SLC35F1: variants seen among roughly 807,000 people sequenced by gnomAD.
The protein encoded by SLC35F1 is chromosome 6 open reading frame 169.
In SLC35F1, 14 loss-of-function variants were observed where a neutral mutation model predicts 48.7. The observed-to-expected ratio is 0.29, with a 90% CI of 0.19 to 0.45. SLC35F1 has a LOEUF of 0.45. Ranked by LOEUF, SLC35F1 falls within the 20% of genes least tolerant of loss-of-function variation. The pLI, the probability that SLC35F1 is intolerant of heterozygous loss-of-function variation, is 1.00. For missense variants in SLC35F1, 404 were observed against 500.0 expected (o/e 0.81, Z 1.83); for synonymous variants, 190 against 202.2 (o/e 0.94, Z 0.51).
chr6:118,054,609 G>A (rs921718453), intron 1 of SLC35F1, among the ~76,000 whole-genome samples: 1 of 152,086 alleles, frequency 6.6e-6, no homozygotes, highest in African/African-American at 2.4e-5. Flanking sequence ...ATTTCCCCAC[G>A]TGTCTATGGT....
At chr6:118,038,938 T>C (rs1418628160) in intron 1 of SLC35F1, among the ~76,000 whole-genome samples, 2 of 152,224 alleles carry the variant, frequency 1.3e-5, no homozygotes, top group Non-Finnish European at 2.9e-5. Context: ...ATTTTCTTCA[T>C]TTTATTTTTT....
At chr6:118,029,785 A>AT (rs948561165) in intron 1 of SLC35F1, among the ~76,000 whole-genome samples, 15 of 151,960 alleles carry the variant, frequency 9.9e-5, no homozygotes, top group Non-Finnish European at 8.8e-5. Flanking sequence ...AAAAGTATGA[A>AT]TTTTTTTTTC....
At chr6:118,116,526 A>G (rs763733792) in intron 1 of SLC35F1, among the ~76,000 whole-genome samples, 6 of 152,296 alleles carry the variant, frequency 3.9e-5, no homozygotes, top group Admixed American at 3.3e-4. Flanking sequence ...ATTGAATGCA[A>G]TGTCTAGGAG....
intron 1 of SLC35F1, among the ~76,000 whole-genome samples, chr6:117,931,546 A>G (rs1776102076): frequency 6.6e-6 from 1 of 152,210 alleles, no homozygotes; most frequent in East Asian, 1.9e-4. Context: ...ACTTCCTGGC[A>G]CAACATTTGA....
chr6:117,999,568 G>GAA (rs35917912), intron 1 of SLC35F1: 176,534 of 421,454 alleles, frequency 0.42, 23,994 homozygotes, highest in African/African-American at 0.5. Context: ...CCTGAGGCAG[G>GAA]AAAAAAAAAA....
chr6:118,309,712 A>G (rs1330976942), intron 7 of SLC35F1, among the ~76,000 whole-genome samples: 1 of 152,230 alleles, frequency 6.6e-6, no homozygotes, highest in Non-Finnish European at 1.5e-5. Flanking sequence ...TTAAAATTCA[A>G]CTTAGAAGTT....
intron 2 of SLC35F1, among the ~76,000 whole-genome samples, chr6:118,193,999 T>A (rs1040974831): frequency 6.6e-6 from 1 of 152,246 alleles, no homozygotes; most frequent in African/African-American, 2.4e-5. Context: ...TTTATTTTTC[T>A]TTCAAAATAT....
intron 2 of SLC35F1, among the ~76,000 whole-genome samples, chr6:118,192,577 G>A (rs1414852660): frequency 6.6e-6 from 1 of 152,014 alleles, no homozygotes; most frequent in Non-Finnish European, 1.5e-5. Context: ...CAATTAACAA[G>A]GAAATTTGGT....
intron 1 of SLC35F1, among the ~76,000 whole-genome samples, chr6:117,910,430 T>A (rs995789275): frequency 3.3e-5 from 5 of 152,236 alleles, no homozygotes; most frequent in African/African-American, 9.6e-5. Context: ...TTTGCTTTCT[T>A]CTTTTCCTCT....
At chr6:118,256,253 TG>T (rs1775644755) in intron 3 of SLC35F1, among the ~76,000 whole-genome samples, 3 of 132,750 alleles carry the variant, frequency 2.3e-5, no homozygotes, top group African/African-American at 8.3e-5. Flanking sequence ...TGTGTGTGTG[TG>T]ACTGAAGTTT....
At chr6:118,202,804 G>A (rs1284643579) in intron 2 of SLC35F1, among the ~76,000 whole-genome samples, 2 of 152,238 alleles carry the variant, frequency 1.3e-5, no homozygotes, top group African/African-American at 4.8e-5. Flanking sequence ...CTGGGCAAAT[G>A]TGGGATGCTC....
chr6:118,054,057 G>T (rs1164578932), intron 1 of SLC35F1, among the ~76,000 whole-genome samples: 1 of 152,144 alleles, frequency 6.6e-6, no homozygotes, highest in East Asian at 1.9e-4. Flanking sequence ...TTGATAATTG[G>T]TAAGGCTGAA....
intron 3 of SLC35F1, among the ~76,000 whole-genome samples, chr6:118,266,340 T>C (rs1775773206): frequency 6.6e-6 from 1 of 152,182 alleles, no homozygotes; most frequent in African/African-American, 2.4e-5. Context: ...CAAATTTTTT[T>C]GCTATACTCT....
At chr6:118,124,955 T>A (rs945413072) in intron 1 of SLC35F1, among the ~76,000 whole-genome samples, 1 of 152,176 alleles carries the variant, frequency 6.6e-6, no homozygotes, top group Non-Finnish European at 1.5e-5. Flanking sequence ...TAAATTATAA[T>A]GATGCAAAAC....
intron 1 of SLC35F1, among the ~76,000 whole-genome samples, chr6:118,133,175 G>T (rs1463868567): frequency 2.0e-5 from 3 of 152,146 alleles, no homozygotes; most frequent in Non-Finnish European, 4.4e-5. Context: ...AGTAATCTGT[G>T]ATCTGCCCCT....
At chr6:118,145,900 C>T (rs907646887) in intron 1 of SLC35F1, among the ~76,000 whole-genome samples, 4 of 152,100 alleles carry the variant, frequency 2.6e-5, no homozygotes, top group African/African-American at 9.7e-5. Flanking sequence ...TTGGGAAAAC[C>T]CTTTTTCCTG....
intron 1 of SLC35F1, among the ~76,000 whole-genome samples, chr6:117,964,128 T>C (rs985569493): frequency 6.6e-6 from 1 of 152,236 alleles, no homozygotes; most frequent in Non-Finnish European, 1.5e-5. Flanking sequence ...TCCAGCTCCA[T>C]CCACGTCCCT....
intron 6 of SLC35F1, among the ~76,000 whole-genome samples, chr6:118,281,202 C>A (rs35376508): frequency 0.28 from 35,824 of 126,078 alleles, 4,698 homozygotes; most frequent in Admixed American, 0.35. Flanking sequence ...CTCTCTCTCT[C>A]TCTATATATA....
chr6:118,218,798 A>C (rs544502549), intron 2 of SLC35F1, among the ~76,000 whole-genome samples: 1 of 152,198 alleles, frequency 6.6e-6, no homozygotes, highest in Non-Finnish European at 1.5e-5. Flanking sequence ...CTGGAAATGT[A>C]TTGGTAAACT....
Sources: allele counts gnomAD v4.1 joint callset (sites outside exome capture counted in the v4.1 genomes callset), GRCh38; gene constraint gnomAD v4.1.1; transcripts MANE v1.5; gene names NCBI Gene and HGNC (gene_info 2026-07-23, HGNC 2026-07-21).